The following PCDHA6 variants were observed in gnomAD, a reference collection of about 807,000 sequenced individuals.
PCDHA6 encodes the protein protocadherin alpha 6.
Under a neutral mutation model 60.3 loss-of-function variants are expected in PCDHA6, and 55 were observed. The observed-to-expected ratio is 0.91, with a 90% CI of 0.73 to 1.14. The LOEUF is 1.14. PCDHA6 is among the 50% of genes most tolerant of loss of function. The pLI is 0.00. For synonymous variants in PCDHA6, 652 were observed against 557.9 expected, an observed-to-expected ratio of 1.17 and a Z score of -2.38; for missense variants, 1,327 against 1,256.5, an observed-to-expected ratio of 1.06 and a Z score of -0.85.
intron 1 of PCDHA6, among the ~76,000 whole-genome samples, chr5:140,978,085 C>T (rs1056593415): frequency 2.2e-4 from 33 of 152,186 alleles, no homozygotes; most frequent in African/African-American, 8.0e-4. Flanking sequence ...AGCTTCTAAC[C>T]AGCACATAAC....
chr5:140,884,441 GCACCGCCCACCGAGGGC>G (rs782266354), intron 1 of PCDHA6: 1 of 1,613,812 alleles, frequency 6.2e-7, no homozygotes, highest in Non-Finnish European at 8.5e-7. Flanking sequence ...GCGGTGCTCG[GCACCGCCCACCGAGGGC>G]GCGTGCGCGC....
At chr5:140,850,185 G>T (rs1554143929) in intron 1 of PCDHA6, 3 of 1,593,776 alleles carry the variant, frequency 1.9e-6, no homozygotes, top group Non-Finnish European at 2.6e-6. Flanking sequence ...CAATGCGCCG[G>T]CGCTGCTGAC....
intron 1 of PCDHA6, among the ~76,000 whole-genome samples, chr5:140,832,019 T>C (rs2150199217): frequency 4.6e-5 from 7 of 152,356 alleles, no homozygotes; most frequent in Non-Finnish European, 1.0e-4. Context: ...TACGTAAAGA[T>C]TGAATTTTTG....
intron 1 of PCDHA6, chr5:140,851,704 T>C (rs1454502056): frequency 2.1e-6 from 2 of 950,842 alleles, no homozygotes; most frequent in African/African-American, 1.8e-5. Context: ...TGATCAGCCA[T>C]GTGAAGATTC....
chr5:140,869,297 G>T lies in PCDHA6; in HGVS notation c.2394+38812G>T. 3.7e-6 allele frequency: 6 copies of T among 1,613,580 alleles called. No homozygotes were observed. The highest frequency in any genetic ancestry group is 1.1e-5 in the South Asian group (1 of 91,050). On this transcript the variant is annotated intron_variant, in intron 1 of 3. Transcript: ENST00000529310. ...GCGGAGCTGGTGCAGCGCCTGTTCC[G>T]GGTGGCGTCCAAAACACATGGGGAC...
intron 2 of PCDHA6, among the ~76,000 whole-genome samples, chr5:140,981,838 C>T (rs916108739): frequency 3.9e-5 from 6 of 152,086 alleles, no homozygotes; most frequent in Admixed American, 6.6e-5. Context: ...AAAGGTCTCC[C>T]AGTTTGTATC....
intron 1 of PCDHA6, chr5:140,883,939 C>T (rs782266148): frequency 6.2e-7 from 1 of 1,613,422 alleles, no homozygotes; most frequent in Non-Finnish European, 8.5e-7. Context: ...TCGTGCTGGA[C>T]GAGAACGACA....
intron 3 of PCDHA6, among the ~76,000 whole-genome samples, chr5:140,989,687 G>A (rs956131200): frequency 2.0e-4 from 31 of 152,176 alleles, no homozygotes; most frequent in African/African-American, 6.3e-4. Flanking sequence ...TCAAAGGAAC[G>A]TGAAAATTTT....
intron 1 of PCDHA6, among the ~76,000 whole-genome samples, chr5:140,955,336 T>G (rs1294171389): frequency 1.3e-5 from 2 of 152,144 alleles, no homozygotes; most frequent in African/African-American, 2.4e-5. Context: ...GTTCCCATAA[T>G]CCCCACATGT....
At position 140,856,129 on chromosome 5, in the gene PCDHA6, C is replaced by G. The variant is rs149039484; in HGVS notation, c.2394+25644C>G. ...TCCTCGCAGCCTGGGAGGTGGGGAG[C>G]GGCCAGCTCCACTACTCAGTCTACG... On this transcript the variant is annotated intron_variant, in intron 1 of 3. Transcript: ENST00000529310. The G allele has an allele frequency of 2.3e-5, 36 of 1,597,980 alleles. 3 individuals are homozygous for G. Among genetic ancestry groups the G allele is most frequent in the African/African-American group, 2.7e-5 (2 of 74,256 alleles).
chr5:140,913,960 T>A (rs114058923), intron 1 of PCDHA6, among the ~76,000 whole-genome samples: 2,762 of 152,276 alleles, frequency 0.018, 70 homozygotes, highest in African/African-American at 0.054. Context: ...ATATCATTTT[T>A]AAAAAAATAT....
intron 1 of PCDHA6, among the ~76,000 whole-genome samples, chr5:140,908,825 G>A (rs1554193511): frequency 1.3e-5 from 2 of 152,252 alleles, no homozygotes; most frequent in South Asian, 2.1e-4. Flanking sequence ...TGGGTTACTC[G>A]ATAAATGGGC....
intron 1 of PCDHA6, chr5:140,836,789 T>C (rs2150269874): frequency 4.9e-6 from 7 of 1,427,046 alleles, no homozygotes; most frequent in East Asian, 2.3e-5. Context: ...ATTAGTTCAA[T>C]TGGTCTCCTT....
At chr5:140,857,532 AGCGGCG>A (rs1230491450) in intron 1 of PCDHA6, 2 of 1,597,258 alleles carry the variant, frequency 1.3e-6, no homozygotes, top group African/African-American at 2.7e-5. Flanking sequence ...TCTCTGGTGG[AGCGGCG>A]GTTGGGCGAG....
chr5:140,888,789 G>A (rs536846098), intron 1 of PCDHA6, among the ~76,000 whole-genome samples: 1 of 152,066 alleles, frequency 6.6e-6, no homozygotes, highest in Admixed American at 6.5e-5. Flanking sequence ...AGCCTGATCT[G>A]GGGAGGTTGA....
intron 1 of PCDHA6, chr5:140,929,415 C>A: frequency 6.6e-7 from 1 of 1,504,268 alleles, no homozygotes; most frequent in Non-Finnish European, 8.9e-7. Context: ...CCTTTCACAA[C>A]ATTTCATCAA....
chr5:141,009,729 G>A lies in PCDHA6; in HGVS notation c.2645G>A (p.Gly882Asp). 6.2e-7 allele frequency: 1 copy of A among 1,614,168 alleles called. No homozygotes were observed. The highest frequency in any genetic ancestry group is 8.5e-7 in the Non-Finnish European group (1 of 1,180,028). The change falls in exon 4 of 4, where the codon GGT (glycine) becomes GAT (aspartate). Residue 882 changes from glycine to aspartate, a missense_variant. Physicochemically the swap from Gly to Asp is moderately conservative, Grantham distance 94. Transcript: ENST00000529310. ...GGCAACCCCAAACAATCCGGTCCCG[G>A]TGAGTTGCCCGACAAATTCATTATC... ...GPGNPKQSGP[G>D]ELPDKFIIPG...
At chr5:140,929,457 G>A (rs975305297) in intron 1 of PCDHA6, 25 of 1,362,276 alleles carry the variant, frequency 1.8e-5, no homozygotes, top group Non-Finnish European at 2.4e-5. Flanking sequence ...AGCACTTCCT[G>A]TGCCAAGAAA....
chr5:140,869,210 C>T (rs781978731), intron 1 of PCDHA6: 2 of 1,613,814 alleles, frequency 1.2e-6, no homozygotes, highest in African/African-American at 2.7e-5. Context: ...TACTCCGTCT[C>T]GGAGGAGGCC....
Sources: gnomAD v4.1 joint callset for allele counts (sites outside exome capture counted in the v4.1 genomes callset) on GRCh38, gnomAD v4.1.1 for gene constraint, MANE v1.5 for transcripts, NCBI Gene and HGNC (gene_info 2026-07-23, HGNC 2026-07-21) for gene names.